The following SEPTIN7 variants were observed in gnomAD, a reference collection of about 807,000 sequenced individuals.
SEPTIN7 encodes septin-7.
A neutral mutation model predicts 63.3 loss-of-function variants in SEPTIN7; 10 were observed. That is an observed-to-expected ratio of 0.16 (90% CI 0.10 to 0.27). SEPTIN7 has a LOEUF of 0.27. Among genes scored for constraint, SEPTIN7 ranks in the 10% least tolerant of loss-of-function variants. The probability of loss-of-function intolerance (pLI) is 1.00; values close to 1 mark genes in which losing one functional copy is unlikely to be tolerated. For synonymous variants in SEPTIN7, 131 were observed against 165.3 expected, an observed-to-expected ratio of 0.79 and a Z score of 1.59; for missense variants, 310 against 521.0, an observed-to-expected ratio of 0.59 and a Z score of 3.94.
intron 11 of SEPTIN7, among the ~76,000 whole-genome samples, chr7:35,895,711 T>G (rs1339676383): frequency 6.6e-6 from 1 of 152,242 alleles, no homozygotes; most frequent in Admixed American, 6.5e-5. Flanking sequence ...CATGCTTTAC[T>G]TTAAATGTGC....
rs554942679 is a variant in SEPTIN7, at chr7:35,860,688, A to G, written c.170-2864A>G. Among the ~76,000 whole-genome samples, 7 of 152,294 alleles carry G rather than the reference A, an allele frequency of 4.6e-5. No homozygotes were observed. The South Asian group carries it at 1.2e-3, about 27-fold the overall frequency. On this transcript the variant is annotated intron_variant, in intron 3 of 13. Coordinates refer to ENST00000350320, the MANE Select transcript of SEPTIN7 (RefSeq NM_001788.6). ...ATCATTGCACTGCCTTCAGGCCTCC[A>G]AGGTTTCTGCCAAAAAGTTGGCTTA... is the stretch of plus-strand genomic sequence containing the variant.
chr7:35,835,271 T>G (rs186407344), intron 3 of SEPTIN7, among the ~76,000 whole-genome samples: 60 of 152,240 alleles, frequency 3.9e-4, no homozygotes, highest in Admixed American at 5.9e-4. Context: ...AGGACAAATT[T>G]TTGAAGGATA....
intron 3 of SEPTIN7, among the ~76,000 whole-genome samples, chr7:35,859,824 G>A (rs1785407838): frequency 6.6e-6 from 1 of 152,086 alleles, no homozygotes; most frequent in Non-Finnish European, 1.5e-5. Context: ...GTTACTATTT[G>A]CATGAAGTAT....
chr7:35,840,086 T>G (rs1157397530), intron 3 of SEPTIN7, among the ~76,000 whole-genome samples: 3 of 151,914 alleles, frequency 2.0e-5, no homozygotes, highest in Admixed American at 2.0e-4. Flanking sequence ...TGTTCCTTTC[T>G]TTTCTTTCCC....
intron 1 of SEPTIN7, among the ~76,000 whole-genome samples, chr7:35,822,408 C>T (rs1789480601): frequency 6.6e-6 from 1 of 152,018 alleles, no homozygotes; most frequent in African/African-American, 2.4e-5. Context: ...GAGGTTCTAT[C>T]TAGAGGTGAT....
At chr7:35,875,074 T>G (rs1786390826) in intron 6 of SEPTIN7, among the ~76,000 whole-genome samples, 1 of 152,160 alleles carries the variant, frequency 6.6e-6, no homozygotes, top group Admixed American at 6.5e-5. Context: ...TTCTGGACTC[T>G]CTCCAAGTTT....
chr7:35,811,639 C>T lies in SEPTIN7; in HGVS notation c.61+10369C>T, dbSNP rs557232671. 2.0e-5 allele frequency among the ~76,000 whole-genome samples: 3 copies of T among 152,282 alleles called. No individual in the cohort carries two copies. In the East Asian group the frequency reaches 5.8e-4, roughly 29 times the overall value. The stretch of plus-strand genomic sequence containing the variant: ...CAGTGGTTCTCATCGGTAAACCCAG[C>T]ATTTTGGGAGGTCGAGGCGGGCTGA... On this transcript the variant is annotated intron_variant, in intron 1 of 13. Transcript: ENST00000350320.
chr7:35,823,450 C>G (rs2115813945), intron 1 of SEPTIN7, among the ~76,000 whole-genome samples: 1 of 152,314 alleles, frequency 6.6e-6, no homozygotes, highest in Admixed American at 6.5e-5. Context: ...ATCTGCCCGC[C>G]TCAGCCTCCC....
At chr7:35,877,442 C>T (rs778368049) in intron 6 of SEPTIN7, among the ~76,000 whole-genome samples, 1 of 152,062 alleles carries the variant, frequency 6.6e-6, no homozygotes, top group East Asian at 1.9e-4. Flanking sequence ...GCCCTAATCC[C>T]CCCAGTTTTA....
rs115736619 is a variant in SEPTIN7, at chr7:35,860,570, G to T, written c.170-2982G>T. Among the ~76,000 whole-genome samples the T allele has an allele frequency of 3.1e-3, 466 of 152,290 alleles. 2 individuals carry two copies. Among genetic ancestry groups the T allele is most frequent in the African/African-American group, 0.011 (448 of 41,568 alleles). On this transcript the variant is annotated intron_variant, in intron 3 of 13. Coordinates refer to ENST00000350320, the MANE Select transcript of SEPTIN7 (RefSeq NM_001788.6). Reference sequence around the variant, plus strand: ...CCTCCCTCAGGTTTTGTTTACTGGGGAATGTCTTTATTTCTACCTTGTTTT... The same window carrying T: ...CCTCCCTCAGGTTTTGTTTACTGGGTAATGTCTTTATTTCTACCTTGTTTT...
In SEPTIN7 at chr7:35,904,378, T is replaced by G; in HGVS notation, c.*85T>G. The G allele has an allele frequency of 8.8e-7, 1 of 1,130,740 alleles. No individual in the cohort carries two copies. Among genetic ancestry groups the G allele is most frequent in the East Asian group, 2.7e-5 (1 of 36,662 alleles). 70.0% of individuals were successfully genotyped at this position (1,130,740 alleles called of 1,614,324 possible). On this transcript the variant is annotated 3_prime_UTR_variant, in exon 14 of 14. Transcript: ENST00000350320. ...GTTTGTTGGATCCGTTTGACCAATT[T>G]GCACCAGTTTTATCCATAATGATGG... is the stretch of plus-strand genomic sequence containing the variant.
At chr7:35,895,303 G>GA (rs1431210964) in intron 11 of SEPTIN7, among the ~76,000 whole-genome samples, 1 of 152,114 alleles carries the variant, frequency 6.6e-6, no homozygotes, top group Non-Finnish European at 1.5e-5. Context: ...AAGATGACTA[G>GA]AAGTGAGGTG....
chr7:35,872,067 A>G (rs1326462172), intron 4 of SEPTIN7, among the ~76,000 whole-genome samples: 1 of 152,178 alleles, frequency 6.6e-6, no homozygotes, highest in African/African-American at 2.4e-5. Context: ...TGCTGATTAC[A>G]TTGTCCAGAA....
At chr7:35,876,436 A>G (rs994432671) in intron 6 of SEPTIN7, among the ~76,000 whole-genome samples, 2 of 152,172 alleles carry the variant, frequency 1.3e-5, no homozygotes, top group African/African-American at 4.8e-5. Context: ...GAATTGAAAA[A>G]CCATAACAAT....
At chr7:35,851,027 C>A (rs28516931) in intron 3 of SEPTIN7, among the ~76,000 whole-genome samples, 243 of 152,148 alleles carry the variant, frequency 1.6e-3, no homozygotes, top group African/African-American at 5.7e-3. Flanking sequence ...AGAAACCTGA[C>A]GTTAGCTATT....
chr7:35,829,372 C>T (rs1783706036), intron 1 of SEPTIN7, among the ~76,000 whole-genome samples: 2 of 151,952 alleles, frequency 1.3e-5, no homozygotes, highest in Admixed American at 6.6e-5. Flanking sequence ...AAACTCCTGA[C>T]CTCAGGCAAT....
chr7:35,861,817 G>C (rs1785527733), intron 3 of SEPTIN7, among the ~76,000 whole-genome samples: 1 of 152,188 alleles, frequency 6.6e-6, no homozygotes, highest in Admixed American at 6.5e-5. Context: ...CTCATTTGAA[G>C]GGAATGAATT....
At chr7:35,802,776 TGCAA>T (rs2115614019) in intron 1 of SEPTIN7, among the ~76,000 whole-genome samples, 1 of 150,400 alleles carries the variant, frequency 6.6e-6, no homozygotes, top group Non-Finnish European at 1.5e-5. Flanking sequence ...TTCTTCAGAC[TGCAA>T]GGGAATGAGT....
chr7:35,896,003 G>A (rs1187543136), intron 11 of SEPTIN7, among the ~76,000 whole-genome samples: 1 of 152,136 alleles, frequency 6.6e-6, no homozygotes, highest in Non-Finnish European at 1.5e-5. Context: ...TAAAGATGGA[G>A]TTTCACCATG....
Sources: allele counts gnomAD v4.1 joint callset (sites outside exome capture counted in the v4.1 genomes callset), GRCh38; gene constraint gnomAD v4.1.1; transcripts MANE v1.5; gene names NCBI Gene and HGNC (gene_info 2026-07-23, HGNC 2026-07-21).